Variants in DNALI1 observed in about 807,000 individuals in gnomAD.
DNALI1 encodes axonemal dynein light intermediate polypeptide 1.
Under a neutral mutation model 33.9 loss-of-function variants are expected in DNALI1, and 31 were observed. That is an observed-to-expected ratio of 0.91 (90% CI 0.69 to 1.23). The LOEUF is 1.23. Ranked by LOEUF, DNALI1 falls within the 50% of genes most tolerant of loss-of-function variation. The pLI is 0.00. For missense variants in DNALI1, 305 were observed against 323.8 expected, an observed-to-expected ratio of 0.94 and a Z score of 0.44; for synonymous variants, 117 against 129.2, an observed-to-expected ratio of 0.91 and a Z score of 0.64.
At position 37,557,689 on chromosome 1, in the gene DNALI1, C is replaced by G. The variant is rs530145221; in HGVS notation, c.168C>G (p.Pro56=). 3.7e-6 allele frequency: 6 copies of G among 1,614,092 alleles called. No individual in the cohort carries two copies. The South Asian group carries it at 5.5e-5, about 15-fold the overall frequency. The change falls in exon 2 of 6, where the codon CCC becomes CCG. Residue 56 remains proline, a synonymous_variant. Coordinates refer to ENST00000652629, the MANE Select transcript of DNALI1 (RefSeq NM_003462.5). ...QPPKTKLPST[P]CVPDPTKQAE... ...CCAAGACCAAGCTCCCCTCAACTCC[C>G]TGTGTCCCAGATCCTACAAAGCAGG...
In DNALI1 at chr1:37,561,512, C is replaced by T; in HGVS notation, c.398-45C>T. 1 of 1,595,426 alleles carries T rather than the reference C, an allele frequency of 6.3e-7. No homozygotes were observed. The highest frequency in any genetic ancestry group is 8.6e-7 in the Non-Finnish European group (1 of 1,168,038). On this transcript the variant is annotated intron_variant, in intron 3 of 5. Coordinates refer to ENST00000652629, the MANE Select transcript of DNALI1 (RefSeq NM_003462.5). This position sits in a 1 kb window ranked among gnomAD's most constrained non-coding sequence, Gnocchi z 4.6. ...TTTGCAGTAGACATACTGCAAGCCC[C>T]CTCCCCACGCCCTGTCTGATCTCAT... is the stretch of plus-strand genomic sequence containing the variant.
chr1:37,557,506 A>C (rs1471592552), intron 1 of DNALI1, 97 bp from the exon 2 acceptor site: 5 of 1,473,054 alleles, frequency 3.4e-6, no homozygotes, highest in Admixed American at 2.3e-5. Context: ...GGAAGAGGGG[A>C]GGGCTGTGCA....
chr1:37,557,003 GC>G lies in DNALI1; in HGVS notation c.12del (p.Ala5GlnfsTer13). On this transcript the variant is annotated frameshift_variant, in exon 1 of 6. Transcript: ENST00000652629. LOFTEE classifies it high-confidence loss of function. ...CTACTCTCGCCTCCGCCATGATTCC[GC>G]CCGCAGACTCTTTGCTCAAGTACGA... MIP[P>X]ADSLLKYDTP... 1.2e-6 allele frequency: 2 copies of G among 1,614,216 alleles called. No individual in the cohort carries two copies. Among genetic ancestry groups the G allele is most frequent in the South Asian group, 2.2e-5 (2 of 91,088 alleles).
chr1:37,557,793 C>T, intron 2 of DNALI1, 45 bp downstream of exon 2: 1 of 1,608,342 alleles, frequency 6.2e-7, no homozygotes, highest in South Asian at 1.1e-5. Context: ...TAAGCTTTTA[C>T]ATCGTGGATT....
Position 37,561,482 on chromosome 1 carries a change from G to A in DNALI1, c.398-75G>A. On this transcript the variant is annotated intron_variant, in intron 3 of 5. Transcript: ENST00000652629. This position sits in a 1 kb window ranked among gnomAD's most constrained non-coding sequence, Gnocchi z 4.6. ...ACCCTAATGTCCTTCCCAAGAGGAA[G>A]GGTGTTTGCAGTAGACATACTGCAA... is the stretch of plus-strand genomic sequence containing the variant. 1 of 1,535,042 alleles carries A rather than the reference G, an allele frequency of 6.5e-7. No individual in the cohort carries two copies. Among genetic ancestry groups the A allele is most frequent in the East Asian group, 2.3e-5 (1 of 43,168 alleles).
chr1:37,561,450 C>A lies in DNALI1; in HGVS notation c.398-107C>A. 5.0e-6 allele frequency: 7 copies of A among 1,406,508 alleles called. No homozygotes were observed. Among genetic ancestry groups the A allele is most frequent in the Admixed American group, 2.2e-5 (1 of 46,046 alleles). The allele number at this position is 1,406,508 out of a possible 1,614,324, so 87.1% of individuals were successfully genotyped here. ...TGAGGCCTTGCACTTTGTCTCCAAG[C>A]GAGAACACCCTAATGTCCTTCCCAA... On this transcript the variant is annotated intron_variant, in intron 3 of 5. Transcript: ENST00000652629. This position sits in a 1 kb window ranked among gnomAD's most constrained non-coding sequence, Gnocchi z 4.6.
Position 37,562,387 on chromosome 1 carries a change from G to A in DNALI1, c.741+142G>A. ...AGGATAAAGGAAGCTGACTTTGGTG[G>A]TGGGAGAAGGGGAGGGCTCCAGAGG... On this transcript the variant is annotated intron_variant, in intron 5 of 5. Transcript: ENST00000652629. This position sits in a 1 kb window ranked among gnomAD's most constrained non-coding sequence, Gnocchi z 5.8. The A allele has an allele frequency of 3.4e-6, 4 of 1,180,298 alleles. No individual in the cohort carries two copies. The highest frequency in any genetic ancestry group is 4.7e-6 in the Non-Finnish European group (4 of 858,438). The allele number at this position is 1,180,298 out of a possible 1,614,324, so 73.1% of individuals were successfully genotyped here.
chr1:37,557,318 T>C (rs1052314299), intron 1 of DNALI1, among the ~76,000 whole-genome samples: 6 of 152,116 alleles, frequency 3.9e-5, no homozygotes, highest in Non-Finnish European at 8.8e-5. Context: ...GGCTCACTCT[T>C]CTTAATGGTA....
Position 37,565,016 on chromosome 1 carries a change from T to C in DNALI1, c.742-10T>C, listed in dbSNP as rs946292249. The C allele has an allele frequency of 1.3e-5, 21 of 1,614,188 alleles. No homozygotes were observed. Among genetic ancestry groups the C allele is most frequent in the Non-Finnish European group, 1.8e-5 (21 of 1,180,016 alleles). On this transcript the variant is annotated splice_polypyrimidine_tract_variant and intron_variant, in intron 5 of 5. Transcript: ENST00000652629. ...TTCAAGTATTAATGGAGCTTGTTTT[T>C]GTTTTTCAGGCCCAACTGGAAGGCA...
chr1:37,557,923 T>TGAAACCTGAGCCATGAAAAGCCCTTA, intron 2 of DNALI1, 175 bp downstream of exon 2: 1 of 805,310 alleles, frequency 1.2e-6, no homozygotes, highest in Non-Finnish European at 1.9e-6. Context: ...AGACCTCTTC[T>TGAAACCTGAGCCATGAAAAGCCCTTA]CAATCTACCC....
chr1:37,560,087 G>A (rs1327516813), intron 3 of DNALI1, among the ~76,000 whole-genome samples: 4 of 152,340 alleles, frequency 2.6e-5, no homozygotes, highest in South Asian at 2.1e-4. Flanking sequence ...CTCGCCTCCC[G>A]CCACAGGGCG....
intron 5 of DNALI1, among the ~76,000 whole-genome samples, chr1:37,563,151 A>G (rs1643459877): frequency 6.6e-6 from 1 of 152,366 alleles, no homozygotes; most frequent in South Asian, 2.1e-4. Flanking sequence ...CCCTAGGCTC[A>G]GATAGAAACC....
At position 37,561,881 on chromosome 1, in the gene DNALI1, AC is replaced by A; in HGVS notation, c.576+150del. On this transcript the variant is annotated intron_variant, in intron 4 of 5. Transcript: ENST00000652629. The surrounding 1 kb of genome is among the most constrained non-coding windows in gnomAD (Gnocchi z 4.6). ...TGGACTTGCATCACCTCAGTGAGGGACCCCTGGTTGAGTATGATGGCCAGCC... is the reference window on the plus strand; with the variant it reads ...TGGACTTGCATCACCTCAGTGAGGGACCCTGGTTGAGTATGATGGCCAGCC... 7.3e-7 allele frequency: 1 copy of A among 1,362,366 alleles called. No individual in the cohort carries two copies. 84.4% of individuals were successfully genotyped at this position (1,362,366 alleles called of 1,614,324 possible).
Position 37,561,968 on chromosome 1 carries a change from C to G in DNALI1, c.577-113C>G. The stretch of plus-strand genomic sequence containing the variant: ...CTCCATGCCAGGCACTGACCTCCCA[C>G]TGGGTGGCAGTATATACCCTGGCAA... On this transcript the variant is annotated intron_variant, in intron 4 of 5. Coordinates refer to ENST00000652629, the MANE Select transcript of DNALI1 (RefSeq NM_003462.5). This position sits in a 1 kb window ranked among gnomAD's most constrained non-coding sequence, Gnocchi z 4.6. 1 of 1,511,242 alleles carries G rather than the reference C, an allele frequency of 6.6e-7. No homozygotes were observed. Among genetic ancestry groups the G allele is most frequent in the South Asian group, 1.3e-5 (1 of 79,816 alleles). The allele number at this position is 1,511,242 out of a possible 1,614,324, so 93.6% of individuals were successfully genotyped here. A position where few individuals can be genotyped will look rare whatever the true frequency, so the allele number is the denominator to read the frequency against.
intron 5 of DNALI1, among the ~76,000 whole-genome samples, chr1:37,564,329 T>A (rs1643473539): frequency 6.8e-6 from 1 of 146,614 alleles, no homozygotes. Flanking sequence ...GAAAATTCAC[T>A]GTTTCCCAAA....
intron 2 of DNALI1, 68 bp downstream of exon 2, chr1:37,557,816 G>T (rs1022666209): frequency 6.3e-7 from 1 of 1,594,618 alleles, no homozygotes; most frequent in Admixed American, 1.7e-5. Flanking sequence ...GGGAGTGTGG[G>T]GGGAGGCACT....
chr1:37,559,197 G>A lies in DNALI1; in HGVS notation c.228-130G>A. 1 of 924,494 alleles carries A rather than the reference G, an allele frequency of 1.1e-6. No homozygotes were observed. Among genetic ancestry groups the A allele is most frequent in the Non-Finnish European group, 1.6e-6 (1 of 629,328 alleles). The allele number at this position is 924,494 out of a possible 1,614,324, so 57.3% of individuals were successfully genotyped here. Reference sequence around the variant, plus strand: ...GAGCCTCACACCCCAAGGGATGGAGGATTCTGGTGGGTTGGTGGCAAAGCT... The same window carrying A: ...GAGCCTCACACCCCAAGGGATGGAGAATTCTGGTGGGTTGGTGGCAAAGCT... On this transcript the variant is annotated intron_variant, in intron 2 of 5. Coordinates refer to ENST00000652629, the MANE Select transcript of DNALI1 (RefSeq NM_003462.5). This position sits in a 1 kb window ranked among gnomAD's most constrained non-coding sequence, Gnocchi z 5.3.
At position 37,557,760 on chromosome 1, in the gene DNALI1, G is replaced by C; in HGVS notation, c.227+12G>C. ...ATACTACCCCCAAGGTAAGAAAGTA[G>C]GAGCAGTGGCTGGGAGAAGGCCTAA... is the stretch of plus-strand genomic sequence containing the variant. On this transcript the variant is annotated intron_variant, in intron 2 of 5. Coordinates refer to ENST00000652629, the MANE Select transcript of DNALI1 (RefSeq NM_003462.5). 1 of 1,613,442 alleles carries C rather than the reference G, an allele frequency of 6.2e-7. No individual in the cohort carries two copies. The highest frequency in any genetic ancestry group is 8.5e-7 in the Non-Finnish European group (1 of 1,179,714).
chr1:37,565,766 C>T lies in DNALI1; in HGVS notation c.*705C>T, dbSNP rs1643492731. 1 of 152,210 alleles carries T rather than the reference C, an allele frequency of 6.6e-6. No individual in the cohort carries two copies. Among genetic ancestry groups the T allele is most frequent in the African/African-American group, 2.4e-5 (1 of 41,424 alleles). The allele number at this position is 152,210 out of a possible 1,614,324, so 9.4% of individuals were successfully genotyped here. A position where few individuals can be genotyped will look rare whatever the true frequency, so the allele number is the denominator to read the frequency against. ...CCAGCACAGATCTGTTCCCCTTATC[C>T]TGCAGAAAATCAAGCCCTGACTCTG... On this transcript the variant is annotated 3_prime_UTR_variant, in exon 6 of 6. Transcript: ENST00000652629.
Sources: allele counts gnomAD v4.1 joint callset (sites outside exome capture counted in the v4.1 genomes callset), GRCh38; gene constraint gnomAD v4.1.1; non-coding constraint Gnocchi (gnomAD v3.1); transcripts MANE v1.5; gene names NCBI Gene and HGNC (gene_info 2026-07-23, HGNC 2026-07-21).